BABAM2: variants seen among roughly 807,000 people sequenced by gnomAD.
BABAM2 encodes BRISC and BRCA1 A complex member 2.
BABAM2 carries 31 observed loss-of-function variants against 54.7 expected under a neutral mutation model. The observed-to-expected ratio is 0.57, with a 90% CI of 0.43 to 0.77. BABAM2 has a LOEUF of 0.77. Ranked by LOEUF, BABAM2 falls within the 30% of genes least tolerant of loss-of-function variation. The probability of loss-of-function intolerance (pLI) is 0.00; values close to 1 mark genes in which losing one functional copy is unlikely to be tolerated. For synonymous variants in BABAM2, 167 were observed against 162.9 expected (o/e 1.03, Z -0.19); for missense variants, 364 against 455.8 (o/e 0.80, Z 1.83).
chr2:28,139,341 A>AG (rs141509455), intron 7 of BABAM2, among the ~76,000 whole-genome samples: 14,828 of 115,982 alleles, frequency 0.13, 765 homozygotes, highest in South Asian at 0.24. Context: ...AAAAAAAAAA[A>AG]AAAAGAAAAA....
intron 6 of BABAM2, among the ~76,000 whole-genome samples, chr2:28,094,507 G>A (rs1012190222): frequency 2.0e-5 from 3 of 152,078 alleles, no homozygotes; most frequent in African/African-American, 7.2e-5. Flanking sequence ...ATGAATATTT[G>A]TATTATTACA....
chr2:28,329,448 A>T lies in BABAM2; in HGVS notation c.1089-9002A>T, dbSNP rs1690760053. On this transcript the variant is annotated intron_variant, in intron 11 of 11. Coordinates refer to ENST00000379624, the MANE Select transcript of BABAM2 (RefSeq NM_199191.3). This position sits in a 1 kb window ranked among gnomAD's most constrained non-coding sequence, Gnocchi z 4.2. ...CTTGATACACATTTCCATTCTCCTC[A>T]CAACCTCCTTGAAAAGAGGTGCTAG... Among the ~76,000 whole-genome samples, 1 of 152,182 alleles carries T rather than the reference A, an allele frequency of 6.6e-6. No individual in the cohort carries two copies. The highest frequency in any genetic ancestry group is 2.1e-4 in the South Asian group (1 of 4,836).
At chr2:27,944,509 T>C (rs2148391638) in intron 3 of BABAM2, among the ~76,000 whole-genome samples, 1 of 152,354 alleles carries the variant, frequency 6.6e-6, no homozygotes, top group East Asian at 1.9e-4. Context: ...ATATGGCCTC[T>C]TTCAGTCAGC....
chr2:28,224,534 T>C (rs1680697469), intron 7 of BABAM2, among the ~76,000 whole-genome samples: 1 of 152,174 alleles, frequency 6.6e-6, no homozygotes, highest in Admixed American at 6.5e-5. Flanking sequence ...TGCTTCGTAC[T>C]TCAGTTTGCG....
At chr2:27,930,017 T>A in intron 3 of BABAM2, 109 bp downstream of exon 3, 1 of 970,108 alleles carries the variant, frequency 1.0e-6, no homozygotes, top group Non-Finnish European at 1.6e-6. Context: ...CCTAAGATAT[T>A]GTTCACTAGC....
intron 7 of BABAM2, among the ~76,000 whole-genome samples, chr2:28,143,144 A>AAT (rs144484983): frequency 0.34 from 51,663 of 149,812 alleles, 9,074 homozygotes; most frequent in South Asian, 0.52. Flanking sequence ...TGGATAAAGA[A>AAT]ATATATATAT....
intron 6 of BABAM2, among the ~76,000 whole-genome samples, chr2:28,095,677 T>C (rs1043253156): frequency 6.6e-6 from 1 of 152,228 alleles, no homozygotes; most frequent in African/African-American, 2.4e-5. Flanking sequence ...TTTAGGGTTC[T>C]TATGAAAAGA....
At chr2:28,018,787 C>A (rs1472044067) in intron 4 of BABAM2, among the ~76,000 whole-genome samples, 1 of 152,076 alleles carries the variant, frequency 6.6e-6, no homozygotes, top group Non-Finnish European at 1.5e-5. Context: ...GCTTGTTGGC[C>A]ATTTGTATAT....
At chr2:28,276,007 CAA>C (rs534951884) in intron 10 of BABAM2, among the ~76,000 whole-genome samples, 11 of 110,898 alleles carry the variant, frequency 9.9e-5, no homozygotes, top group Admixed American at 9.3e-5. Context: ...ATTTTTATCT[CAA>C]AAAAAAAAAA....
At chr2:28,092,775 G>GCT (rs1187515025) in intron 6 of BABAM2, among the ~76,000 whole-genome samples, 14 of 125,782 alleles carry the variant, frequency 1.1e-4, no homozygotes, top group East Asian at 2.4e-4. Context: ...TCTCTCTCAC[G>GCT]CTCTCTCTCT....
At chr2:27,983,368 C>A (rs1193176550) in intron 3 of BABAM2, among the ~76,000 whole-genome samples, 1 of 152,092 alleles carries the variant, frequency 6.6e-6, no homozygotes, top group Non-Finnish European at 1.5e-5. Context: ...GTCTTCATTG[C>A]TGTAGCTTTG....
intron 3 of BABAM2, among the ~76,000 whole-genome samples, chr2:27,973,717 C>G (rs1027590977): frequency 6.6e-6 from 1 of 152,102 alleles, no homozygotes; most frequent in African/African-American, 2.4e-5. Context: ...TCAGGCTTAT[C>G]CTTGAGCTTC....
At chr2:28,310,164 A>T in intron 11 of BABAM2, 1 of 1,612,964 alleles carries the variant, frequency 6.2e-7, no homozygotes, top group South Asian at 1.1e-5. Flanking sequence ...GTCAGTGAGA[A>T]CGTGTTATTT....
In BABAM2 at chr2:28,242,565, T is replaced by C. The variant is rs540654190; in HGVS notation, c.851+1172T>C. 2.6e-5 allele frequency among the ~76,000 whole-genome samples: 4 copies of C among 152,216 alleles called. No homozygotes were observed. In the South Asian group the frequency reaches 8.3e-4, roughly 32 times the overall value. On this transcript the variant is annotated intron_variant, in intron 9 of 11. Transcript: ENST00000379624. ...GAGGTCTGATGATAGCCCACCTTAT[T>C]CCACAGAAGGCTTATAAATATATAA...
intron 7 of BABAM2, among the ~76,000 whole-genome samples, chr2:28,147,817 T>C (rs1429141789): frequency 6.6e-6 from 1 of 152,198 alleles, no homozygotes; most frequent in African/African-American, 2.4e-5. Context: ...TGTCTCAACG[T>C]GGATGTTGTA....
At chr2:28,009,629 T>A (rs1241013667) in intron 4 of BABAM2, among the ~76,000 whole-genome samples, 1 of 152,096 alleles carries the variant, frequency 6.6e-6, no homozygotes, top group Non-Finnish European at 1.5e-5. Context: ...TGCTTTTATT[T>A]AAGTTTACTT....
In BABAM2 at chr2:28,017,485, A is replaced by G. The variant is rs576308957; in HGVS notation, c.301-7741A>G. Reference sequence around the variant, plus strand: ...CTAATGCACTATTACTAAGTTGTAGAAAGATTTTTACTTTTTTCCTTTTCA... The same window carrying G: ...CTAATGCACTATTACTAAGTTGTAGGAAGATTTTTACTTTTTTCCTTTTCA... On this transcript the variant is annotated intron_variant, in intron 4 of 11. Coordinates refer to ENST00000379624, the MANE Select transcript of BABAM2 (RefSeq NM_199191.3). 2.0e-5 allele frequency among the ~76,000 whole-genome samples: 3 copies of G among 152,318 alleles called. No individual in the cohort carries two copies. The East Asian group carries it at 5.8e-4, about 29-fold the overall frequency.
intron 3 of BABAM2, among the ~76,000 whole-genome samples, chr2:27,963,844 C>T (rs1170118815): frequency 6.6e-6 from 1 of 151,918 alleles, no homozygotes; most frequent in Non-Finnish European, 1.5e-5. Flanking sequence ...AGTGATATAA[C>T]ATACTTGTTC....
intron 6 of BABAM2, among the ~76,000 whole-genome samples, chr2:28,118,457 T>G (rs577917899): frequency 6.6e-6 from 1 of 152,356 alleles, no homozygotes; most frequent in South Asian, 2.1e-4. Context: ...GATTTGCATT[T>G]CTCTGATGAC....
Sources: gnomAD v4.1 joint callset for allele counts (sites outside exome capture counted in the v4.1 genomes callset) on GRCh38, gnomAD v4.1.1 for gene constraint, Gnocchi (gnomAD v3.1) non-coding constraint, MANE v1.5 for transcripts, NCBI Gene and HGNC (gene_info 2026-07-23, HGNC 2026-07-21) for gene names.